The following MMP25 variants were observed in gnomAD, a reference collection of about 807,000 sequenced individuals.
MMP25 encodes the protein matrix metallopeptidase 25.
In MMP25, 68 loss-of-function variants were observed where a neutral mutation model predicts 62.1. The ratio of observed to expected loss-of-function variants is 1.10; its 90% confidence interval spans 0.90 to 1.34. The LOEUF is 1.34. Ranked by LOEUF, MMP25 falls within the 40% of genes most tolerant of loss-of-function variation. MMP25 has a pLI of 0.00. For missense variants in MMP25, 942 were observed against 792.5 expected (o/e 1.19, Z -2.26); for synonymous variants, 407 against 345.6 (o/e 1.18, Z -1.97).
At position 3,058,633 on chromosome 16, in the gene MMP25, C is replaced by A. The variant is rs979400890; in HGVS notation, c.1381C>A (p.Pro461Thr). Residue 461 changes from proline (P) to threonine (T), a missense_variant, in exon 9 of 10, where the codon CCC becomes ACC. Physicochemically the swap from Pro to Thr is conservative, Grantham distance 38. Coordinates refer to ENST00000336577, the MANE Select transcript of MMP25 (RefSeq NM_022468.5). ...CGACCTGAGCCTCTGGGAAGGCGCG[C>A]CCCCCTCCCCTGACGATGTCACCGT... ...PRDLSLWEGA[P>T]PSPDDVTVSN... is the part of the protein sequence containing the mutation. The A allele has an allele frequency of 9.3e-6, 15 of 1,604,716 alleles. No individual in the cohort carries two copies. Among genetic ancestry groups the A allele is most frequent in the Non-Finnish European group, 1.3e-5 (15 of 1,176,466 alleles).
rs1421597098 is a variant in MMP25, at chr16:3,057,097, C to T, written c.726C>T (p.Gly242=). The change falls in exon 5 of 10, where the codon GGC becomes GGT. Residue 242 remains glycine (G), a synonymous_variant. Transcript: ENST00000336577. ...VHEFGHALGL[G]HSSAPNSIMR... ...AGTTTGGCCACGCCCTGGGCCTGGG[C>T]CACTCCTCAGCCCCCAACTCCATTA... 2 of 1,612,660 alleles carry T rather than the reference C, an allele frequency of 1.2e-6. No individual in the cohort carries two copies. The highest frequency in any genetic ancestry group is 1.7e-6 in the Non-Finnish European group (2 of 1,179,374).
At chr16:3,049,083 C>T (rs1348088689) in intron 2 of MMP25, among the ~76,000 whole-genome samples, 3 of 151,982 alleles carry the variant, frequency 2.0e-5, no homozygotes, top group East Asian at 1.9e-4. Flanking sequence ...GCTGGGATTA[C>T]AGGCATGAGC....
rs1956078795 is a variant in MMP25 at position 3,059,463 on chromosome 16, G to A, written c.*365G>A. ...CGGGGAGGGGCGGGGAGGACAAGGG[G>A]CGGGCCCGCGGCCTCACCCGGAGGG... On this transcript the variant is annotated 3_prime_UTR_variant, in exon 10 of 10. Transcript: ENST00000336577. The A allele has an allele frequency of 5.1e-6, 1 of 197,424 alleles. No homozygotes were observed. Among genetic ancestry groups the A allele is most frequent in the African/African-American group, 2.3e-5 (1 of 43,146 alleles). The allele number at this position is 197,424 out of a possible 1,614,324, so 12.2% of individuals were successfully genotyped here.
Position 3,047,541 on chromosome 16 carries a change from C to T in MMP25, c.226C>T (p.Arg76Cys), listed in dbSNP as rs781683971. The T allele has an allele frequency of 1.1e-5, 17 of 1,612,794 alleles. No homozygotes were observed. In the South Asian group the frequency reaches 1.2e-4, roughly 11 times the overall value. Residue 76 changes from arginine to cysteine, a missense_variant, in exon 2 of 10, where the codon CGC becomes TGC. Coordinates refer to ENST00000336577, the MANE Select transcript of MMP25 (RefSeq NM_022468.5). ...QRFAGLPETG[R>C]MDPGTVATMR... ...GTTCGCGGGGCTGCCGGAGACCGGC[C>T]GCATGGGTAGGTGGCCCCCACCCCT... is the stretch of plus-strand genomic sequence containing the variant.
intron 2 of MMP25, among the ~76,000 whole-genome samples, chr16:3,048,590 A>G (rs1011825824): frequency 1.2e-4 from 19 of 152,168 alleles, no homozygotes; most frequent in Admixed American, 3.3e-4. Context: ...GGAACCAGCC[A>G]TGGGAAGATG....
chr16:3,059,781 C>G lies in MMP25; in HGVS notation c.*683C>G, dbSNP rs1357539537. On this transcript the variant is annotated 3_prime_UTR_variant, in exon 10 of 10. Transcript: ENST00000336577. ...CCAGCCCAGATATCACCCCTGAGGA[C>G]CCATGCGCCACGTCCTGGGTGGTGG... The G allele has an allele frequency of 6.6e-6, 1 of 152,370 alleles. No individual in the cohort carries two copies. The highest frequency in any genetic ancestry group is 1.5e-5 in the Non-Finnish European group (1 of 68,200). 9.4% of individuals were successfully genotyped at this position (152,370 alleles called of 1,614,324 possible).
chr16:3,049,239 A>C (rs1323026512), intron 2 of MMP25, among the ~76,000 whole-genome samples: 2 of 151,964 alleles, frequency 1.3e-5, no homozygotes, highest in Non-Finnish European at 2.9e-5. Context: ...ATATGTGGCC[A>C]GAAGTAGTTG....
intron 9 of MMP25, 54 bp downstream of exon 9, chr16:3,058,723 G>A: frequency 1.9e-6 from 3 of 1,546,222 alleles, no homozygotes; most frequent in Non-Finnish European, 8.7e-7. Flanking sequence ...GGAGAGGGAT[G>A]TGGGGAATGG....
At chr16:3,053,812 T>C (rs1301824695) in intron 4 of MMP25, 6 of 152,012 alleles carry the variant, frequency 3.9e-5, no homozygotes, top group Non-Finnish European at 7.3e-5. Context: ...GTAAGTTACA[T>C]TGGCCTGTGT....
intron 4 of MMP25, chr16:3,056,153 G>A (rs1956004716): frequency 7.0e-6 from 2 of 284,396 alleles, no homozygotes; most frequent in South Asian, 5.6e-5. Flanking sequence ...GGATGTAAGG[G>A]ATATGGCTTG....
Position 3,058,380 on chromosome 16 carries a change from C to T in MMP25, c.1160-32C>T, listed in dbSNP as rs147950362. On this transcript the variant is annotated intron_variant, in intron 8 of 9. Transcript: ENST00000336577. ...GCGCGCTGGGGCCGGCGCGGGGAGC[C>T]CACCCCTGACCTCCCGGCCTCCACC... 6.4e-4 allele frequency: 970 copies of T among 1,505,044 alleles called. 13 individuals are homozygous for T. In the East Asian group the frequency reaches 0.019, roughly 30 times the overall value. The allele number at this position is 1,505,044 out of a possible 1,614,324, so 93.2% of individuals were successfully genotyped here. A position where few individuals can be genotyped will look rare whatever the true frequency, so the allele number is the denominator to read the frequency against.
rs1956033352 is a variant in MMP25 at position 3,057,479 on chromosome 16, G to GAAAACA, written c.924-52_924-51insAAAACA. Reference sequence around the variant, plus strand: ...TGAGATGGGGATGGTGGGGGTCCCTGCCTTGGAGAAAACAAACCCCCCTCT... The same window carrying GAAAACA: ...TGAGATGGGGATGGTGGGGGTCCCTGAAAACACCTTGGAGAAAACAAACCCCCCTCT... On this transcript the variant is annotated intron_variant, in intron 6 of 9. Coordinates refer to ENST00000336577, the MANE Select transcript of MMP25 (RefSeq NM_022468.5). The GAAAACA allele has an allele frequency of 1.9e-6, 3 of 1,599,932 alleles. No homozygotes were observed. In the African/African-American group the frequency reaches 4.0e-5, roughly 21 times the overall value.
At chr16:3,049,944 G>A (rs1394713418) in intron 2 of MMP25, 65 bp from the exon 3 acceptor site, 1 of 1,596,090 alleles carries the variant, frequency 6.3e-7, no homozygotes, top group Non-Finnish European at 8.5e-7. Context: ...AAGTTGACTG[G>A]TGCTATGATT....
chr16:3,055,638 A>G, intron 4 of MMP25: 1 of 343,172 alleles, frequency 2.9e-6, no homozygotes, highest in Non-Finnish European at 5.8e-6. Flanking sequence ...CTCACGTTTC[A>G]TGCTTAGACG....
intron 4 of MMP25, chr16:3,052,442 G>A (rs1006363621): frequency 1.6e-4 from 24 of 152,362 alleles, no homozygotes; most frequent in Admixed American, 2.6e-4. Flanking sequence ...TTTGCATTCC[G>A]GAACTATCAT....
rs1955882884 is a variant in MMP25 at position 3,050,304 on chromosome 16, T to G, written c.419T>G (p.Val140Gly). 1.2e-6 allele frequency: 2 copies of G among 1,612,954 alleles called. No individual in the cohort carries two copies. The highest frequency in any genetic ancestry group is 1.7e-6 in the Non-Finnish European group (2 of 1,179,362). Residue 140 changes from valine (V) to glycine (G), a missense_variant, in exon 4 of 10, where the codon GTC (valine) becomes GGC (glycine). Transcript: ENST00000336577. ...CAGCTGAGCCAGGAGACCGTGCGGG[T>G]CCTCATGAGCTATGCCCTGATGGCC... ...SSQLSQETVR[V>G]LMSYALMAWG... is the part of the protein sequence containing the mutation.
chr16:3,050,067 G>T lies in MMP25; in HGVS notation c.291G>T (p.Gly97=). ...GCTGCTCCCTGCCTGACGTGCTGGG[G>T]GTGGCGGGGCTGGTCAGGCGGCGTC... The part of the protein sequence containing the change: ...KPRCSLPDVL[G]VAGLVRRRRR... The change falls in exon 3 of 10, where the codon GGG becomes GGT. Residue 97 remains glycine (G), a synonymous_variant. Transcript: ENST00000336577. The T allele has an allele frequency of 6.2e-7, 1 of 1,611,264 alleles. No individual in the cohort carries two copies. The highest frequency in any genetic ancestry group is 1.6e-4 in the Middle Eastern group (1 of 6,062).
rs200080855 is a variant in MMP25 at position 3,050,258 on chromosome 16, C to T, written c.373C>T (p.Arg125Cys). ...WKKRTLTWRV[R>C]SFPQSSQLSQ... ...ACCTCACTCCCCTCTCCCCAGGGTA[C>T]GTTCCTTCCCCCAGAGCTCCCAGCT... Residue 125 changes from arginine (R) to cysteine (C), a missense_variant, in exon 4 of 10, where the codon CGT becomes TGT. By Grantham distance (180) the Arg-to-Cys change is radical (BLOSUM62 -3). Coordinates refer to ENST00000336577, the MANE Select transcript of MMP25 (RefSeq NM_022468.5). The T allele has an allele frequency of 2.3e-5, 36 of 1,593,384 alleles. 1 individual carries two copies. The highest frequency in any genetic ancestry group is 3.3e-4 in the Middle Eastern group (2 of 5,986).
At chr16:3,050,217 C>A in intron 3 of MMP25, 37 bp from the exon 4 acceptor site, 1 of 1,575,008 alleles carries the variant, frequency 6.3e-7, no homozygotes, top group Non-Finnish European at 8.6e-7. Flanking sequence ...CCTGCTCCCT[C>A]CACGGCCACC....
Sources: allele counts gnomAD v4.1 joint callset (sites outside exome capture counted in the v4.1 genomes callset), GRCh38; gene constraint gnomAD v4.1.1; transcripts MANE v1.5; gene names NCBI Gene and HGNC (gene_info 2026-07-23, HGNC 2026-07-21).